SGPP1: variants seen among roughly 807,000 people sequenced by gnomAD.
SGPP1 encodes the protein sphingosine-1-phosphate phosphatase 1.
A neutral mutation model predicts 33.0 loss-of-function variants in SGPP1; 21 were observed. The ratio of observed to expected loss-of-function variants is 0.64; its 90% CI spans 0.45 to 0.92. The LOEUF (loss-of-function observed/expected upper bound fraction) is 0.92, where lower values mean the gene tolerates loss of function less well. Ranked by LOEUF, SGPP1 falls within the 40% of genes least tolerant of loss-of-function variation. The pLI is 0.00. For synonymous variants in SGPP1, 239 were observed against 241.2 expected (o/e 0.99, Z 0.08); for missense variants, 543 against 589.4 (o/e 0.92, Z 0.81).
At chr14:63,696,479 T>C (rs1449642824) in intron 2 of SGPP1, among the ~76,000 whole-genome samples, 1 of 152,208 alleles carries the variant, frequency 6.6e-6, no homozygotes, top group Non-Finnish European at 1.5e-5. Context: ...GTAGTGATGC[T>C]AACTTTTAGG....
chr14:63,727,787 G>T lies in SGPP1; in HGVS notation c.158C>A (p.Pro53His). 2 of 1,503,494 alleles carry T rather than the reference G, an allele frequency of 1.3e-6. No individual in the cohort carries two copies. The highest frequency in any genetic ancestry group is 1.8e-6 in the Non-Finnish European group (2 of 1,132,700). 93.1% of individuals were successfully genotyped at this position (1,503,494 alleles called of 1,614,324 possible). The change falls in exon 1 of 3, where the codon CCT (proline) becomes CAT (histidine). Residue 53 changes from proline (P) to histidine (H), a missense_variant. Coordinates refer to ENST00000247225, the MANE Select transcript of SGPP1 (RefSeq NM_030791.4). ...CCCTGGCTGCCGCCCTCGCAGTCGA[G>T]GGTCTCCGGCGAGAGGCGCCTCCGC... ...EKAEAPLAGD[P>H]RLRGRQPGAP...
At chr14:63,718,995 TATATATATATATATATATA>T (rs1321937246) in intron 1 of SGPP1, among the ~76,000 whole-genome samples, 127 of 21,186 alleles carry the variant, frequency 6.0e-3, no homozygotes, top group African/African-American at 0.024. Context: ...TATATATATA[TATATATATATATATATATA>T]TTTTTTTTTT....
intron 1 of SGPP1, among the ~76,000 whole-genome samples, chr14:63,707,413 C>T (rs988380718): frequency 8.5e-5 from 13 of 152,116 alleles, no homozygotes; most frequent in Non-Finnish European, 1.3e-4. Context: ...CACGTCAGAG[C>T]TACAGGCAGG....
intron 1 of SGPP1, among the ~76,000 whole-genome samples, chr14:63,722,244 G>A (rs997636311): frequency 1.1e-4 from 17 of 151,836 alleles, no homozygotes; most frequent in Non-Finnish European, 2.2e-4. Context: ...TATATTAACA[G>A]CTGGGCGCAG....
At chr14:63,703,341 A>G (rs899487796) in intron 1 of SGPP1, among the ~76,000 whole-genome samples, 4 of 152,124 alleles carry the variant, frequency 2.6e-5, no homozygotes, top group Non-Finnish European at 2.9e-5. Flanking sequence ...AAACTATAAA[A>G]CATTACTGAA....
intron 1 of SGPP1, among the ~76,000 whole-genome samples, chr14:63,725,268 G>C (rs775579136): frequency 1.3e-5 from 2 of 152,032 alleles, no homozygotes; most frequent in Non-Finnish European, 2.9e-5. Context: ...CCAGCTACTC[G>C]GGAGGCTGAG....
chr14:63,688,044 G>A (rs1455667854), intron 2 of SGPP1, among the ~76,000 whole-genome samples: 1 of 152,158 alleles, frequency 6.6e-6, no homozygotes, highest in African/African-American at 2.4e-5. Flanking sequence ...AGAATCGCTT[G>A]AACCCGGGAG....
chr14:63,699,180 C>T (rs566459202), intron 1 of SGPP1, among the ~76,000 whole-genome samples: 132 of 152,180 alleles, frequency 8.7e-4, no homozygotes, highest in Admixed American at 1.8e-3. Flanking sequence ...CACTTCCACC[C>T]CATTGACTAA....
intron 1 of SGPP1, among the ~76,000 whole-genome samples, chr14:63,701,012 G>A (rs1409475590): frequency 6.6e-6 from 1 of 151,614 alleles, no homozygotes; most frequent in Admixed American, 6.6e-5. Context: ...ATAGGGTCTC[G>A]CTCTGTTGCC....
At chr14:63,704,363 T>C (rs1431209457) in intron 1 of SGPP1, among the ~76,000 whole-genome samples, 2 of 152,130 alleles carry the variant, frequency 1.3e-5, no homozygotes, top group Non-Finnish European at 2.9e-5. Flanking sequence ...ACTAAACCCA[T>C]ATACGTATGG....
At chr14:63,722,437 A>G (rs1396293287) in intron 1 of SGPP1, among the ~76,000 whole-genome samples, 1 of 151,450 alleles carries the variant, frequency 6.6e-6, no homozygotes, top group Admixed American at 6.6e-5. Context: ...AGGCTGAAGT[A>G]GGAGAACTAC....
chr14:63,727,827 T>G lies in SGPP1; in HGVS notation c.118A>C (p.Arg40=). 1 of 1,509,604 alleles carries G rather than the reference T, an allele frequency of 6.6e-7. No individual in the cohort carries two copies. The highest frequency in any genetic ancestry group is 8.8e-7 in the Non-Finnish European group (1 of 1,135,358). 93.5% of individuals were successfully genotyped at this position (1,509,604 alleles called of 1,614,324 possible). A position where few individuals can be genotyped will look rare whatever the true frequency, so the allele number is the denominator to read the frequency against. The part of the protein sequence containing the change: ...EAPPRRSADR[R]EDEKAEAPLA... Reference sequence around the variant, plus strand: ...GGCGCCTCCGCTTTCTCATCCTCCCTCCGGTCTGCTGAGCGGCGCGGCGGC... The same window carrying G: ...GGCGCCTCCGCTTTCTCATCCTCCCGCCGGTCTGCTGAGCGGCGCGGCGGC... Residue 40 remains arginine, a synonymous_variant, in exon 1 of 3, where the codon AGG becomes CGG. Transcript: ENST00000247225.
rs563310011 is a variant in SGPP1, at chr14:63,715,476, G to A, written c.684+11785C>T. On this transcript the variant is annotated intron_variant, in intron 1 of 2. Coordinates refer to ENST00000247225, the MANE Select transcript of SGPP1 (RefSeq NM_030791.4). The stretch of plus-strand genomic sequence containing the variant: ...TCTGTTGTGTGTTTGTATGTTGTTC[G>A]AATAAAACCCCCTTTTTTTTGAGCC... Among the ~76,000 whole-genome samples, 4 of 152,110 alleles carry A rather than the reference G, an allele frequency of 2.6e-5. No individual in the cohort carries two copies. In the South Asian group the frequency reaches 6.2e-4, roughly 24 times the overall value.
intron 2 of SGPP1, among the ~76,000 whole-genome samples, chr14:63,688,343 A>AT (rs1885026516): frequency 6.9e-6 from 1 of 145,628 alleles, no homozygotes; most frequent in Non-Finnish European, 1.5e-5. Flanking sequence ...AAAAAAAAAA[A>AT]TTTTAAAAGA....
chr14:63,714,713 G>A (rs547353768), intron 1 of SGPP1, among the ~76,000 whole-genome samples: 3 of 148,626 alleles, frequency 2.0e-5, no homozygotes, highest in Non-Finnish European at 4.5e-5. Context: ...GTGCCACCAT[G>A]CCCAGCCTTG....
chr14:63,686,731 G>T, intron 2 of SGPP1, 75 bp from the exon 3 acceptor site: 1 of 1,087,070 alleles, frequency 9.2e-7, no homozygotes, highest in Non-Finnish European at 1.3e-6. Flanking sequence ...ATTTATATTT[G>T]ACATTTCAAA....
Position 63,685,590 on chromosome 14 carries a change from T to C in SGPP1, c.*515A>G, listed in dbSNP as rs1354734378. 6.6e-6 allele frequency: 1 copy of C among 152,438 alleles called. No homozygotes were observed. Among genetic ancestry groups the C allele is most frequent in the Non-Finnish European group, 1.5e-5 (1 of 67,916 alleles). The allele number at this position is 152,438 out of a possible 1,614,324, so 9.4% of individuals were successfully genotyped here. On this transcript the variant is annotated 3_prime_UTR_variant, in exon 3 of 3. Coordinates refer to ENST00000247225, the MANE Select transcript of SGPP1 (RefSeq NM_030791.4). The stretch of plus-strand genomic sequence containing the variant: ...AAATCAATGTATAGTAGCATATGCA[T>C]TCTGGTCTAGTAATTACGCAATTCA...
intron 1 of SGPP1, among the ~76,000 whole-genome samples, chr14:63,725,241 G>T (rs566646939): frequency 9.4e-4 from 143 of 152,206 alleles, no homozygotes; most frequent in Middle Eastern, 3.4e-3. Flanking sequence ...CTGGTGTGGT[G>T]GTAGGCGCCT....
At chr14:63,705,140 A>C (rs1324831391) in intron 1 of SGPP1, among the ~76,000 whole-genome samples, 1 of 151,420 alleles carries the variant, frequency 6.6e-6, no homozygotes, top group East Asian at 1.9e-4. Context: ...AAAAAAACAA[A>C]AAAACAAAAC....
Sources: allele counts gnomAD v4.1 joint callset (sites outside exome capture counted in the v4.1 genomes callset), GRCh38; gene constraint gnomAD v4.1.1; transcripts MANE v1.5; gene names NCBI Gene and HGNC (gene_info 2026-07-23, HGNC 2026-07-21).